Variants in NKAIN2 observed in about 807,000 individuals in gnomAD.
NKAIN2 encodes sodium/potassium-transporting ATPase subunit beta-1-interacting protein 2.
NKAIN2 carries 14 observed loss-of-function variants against 32.6 expected under a neutral mutation model. The observed-to-expected ratio is 0.43, with a 90% CI of 0.28 to 0.67. The LOEUF is 0.67. Among genes scored for constraint, NKAIN2 ranks in the 30% least tolerant of loss-of-function variants. The probability of loss-of-function intolerance (pLI) is 0.17; values close to 1 mark genes in which losing one functional copy is unlikely to be tolerated. For synonymous variants in NKAIN2, 80 were observed against 87.2 expected (o/e 0.92, Z 0.46); for missense variants, 198 against 258.3 (o/e 0.77, Z 1.60).
intron 1 of NKAIN2, among the ~76,000 whole-genome samples, chr6:124,069,200 C>G (rs190231972): frequency 6.6e-6 from 1 of 152,242 alleles, no homozygotes; most frequent in Non-Finnish European, 1.5e-5. Flanking sequence ...CACTCAGGTT[C>G]TATTAAACTT....
intron 1 of NKAIN2, among the ~76,000 whole-genome samples, chr6:124,074,811 C>T (rs576265914): frequency 1.1e-4 from 16 of 152,244 alleles, no homozygotes; most frequent in Non-Finnish European, 2.2e-4. Context: ...TGCTACGAAC[C>T]CATACGGAAT....
At chr6:124,008,812 A>G (rs989024486) in intron 1 of NKAIN2, among the ~76,000 whole-genome samples, 1 of 152,176 alleles carries the variant, frequency 6.6e-6, no homozygotes. Context: ...CATATCAAGT[A>G]AACTTGTTAA....
At chr6:124,396,415 C>A (rs149920220) in intron 3 of NKAIN2, among the ~76,000 whole-genome samples, 3,831 of 143,104 alleles carry the variant, frequency 0.027, 61 homozygotes, top group Non-Finnish European at 0.041. Context: ...ATGAATAAGA[C>A]CTGCTATTTG....
chr6:124,612,400 CTTGCATTAATTTTTTATATGCA>C (rs1292658185), intron 3 of NKAIN2, among the ~76,000 whole-genome samples: 2 of 152,040 alleles, frequency 1.3e-5, no homozygotes, highest in Non-Finnish European at 2.9e-5. Flanking sequence ...TATAGGCTAG[CTTGCATTAATTTTTTATATGCA>C]TTGCACTATG....
intron 3 of NKAIN2, among the ~76,000 whole-genome samples, chr6:124,543,771 G>A (rs1779992824): frequency 6.6e-6 from 1 of 152,128 alleles, no homozygotes. Context: ...AGTGGGTTGT[G>A]GCATCCTCCA....
rs73770550 is a variant in NKAIN2, at chr6:124,759,379, T to A, written c.475-31960T>A. 4.1e-3 allele frequency among the ~76,000 whole-genome samples: 620 copies of A among 150,238 alleles called. 4 individuals are homozygous for A. Among genetic ancestry groups the A allele is most frequent in the African/African-American group, 0.015 (603 of 41,498 alleles). On this transcript the variant is annotated intron_variant, in intron 4 of 6. Transcript: ENST00000368417. ...AATTCTTACCAAGAGTTTAGAATAT[T>A]ATTTTAAGTTAGTAAATATTAACTA...
chr6:124,050,659 C>A, intron 1 of NKAIN2, among the ~76,000 whole-genome samples: 1 of 152,012 alleles, frequency 6.6e-6, no homozygotes, highest in Admixed American at 6.6e-5. Context: ...GTGCACTTGC[C>A]CGCAGCACAA....
chr6:124,504,369 G>A (rs1221362081), intron 3 of NKAIN2, among the ~76,000 whole-genome samples: 3 of 152,022 alleles, frequency 2.0e-5, no homozygotes, highest in Non-Finnish European at 4.4e-5. Flanking sequence ...CCACACTTGG[G>A]CTAATTTCCA....
chr6:124,418,211 C>A (rs1774582279), intron 3 of NKAIN2, among the ~76,000 whole-genome samples: 1 of 151,432 alleles, frequency 6.6e-6, no homozygotes, highest in Non-Finnish European at 1.5e-5. Flanking sequence ...GTGTGTGTTC[C>A]ATGTAACTCA....
chr6:124,025,337 G>A (rs1781056389), intron 1 of NKAIN2, among the ~76,000 whole-genome samples: 1 of 152,044 alleles, frequency 6.6e-6, no homozygotes, highest in Non-Finnish European at 1.5e-5. Context: ...CATGATACAT[G>A]TGGTTCTGTT....
chr6:124,416,790 C>A (rs140486838), intron 3 of NKAIN2, among the ~76,000 whole-genome samples: 1 of 152,218 alleles, frequency 6.6e-6, no homozygotes, highest in Non-Finnish European at 1.5e-5. Context: ...GGGTACTCTT[C>A]CTGTCCAGCC....
At chr6:124,807,728 T>C (rs1189622567) in intron 5 of NKAIN2, among the ~76,000 whole-genome samples, 3 of 151,080 alleles carry the variant, frequency 2.0e-5, no homozygotes, top group Non-Finnish European at 4.4e-5. Flanking sequence ...ATCAACAAAA[T>C]TGATAGACCG....
chr6:124,496,088 A>G (rs552816213), intron 3 of NKAIN2, among the ~76,000 whole-genome samples: 2 of 152,080 alleles, frequency 1.3e-5, no homozygotes, highest in African/African-American at 2.4e-5. Context: ...TGAGCATGCT[A>G]TCTCAATTTA....
intron 3 of NKAIN2, among the ~76,000 whole-genome samples, chr6:124,651,040 A>T (rs940933870): frequency 6.6e-6 from 1 of 152,190 alleles, no homozygotes; most frequent in Admixed American, 6.5e-5. Flanking sequence ...CCATTCCAAA[A>T]GGGCGAAATA....
chr6:124,701,638 A>G (rs1205874660), intron 4 of NKAIN2, among the ~76,000 whole-genome samples: 1 of 152,116 alleles, frequency 6.6e-6, no homozygotes, highest in East Asian at 1.9e-4. Context: ...GAAGCATGAC[A>G]ATAGATATAA....
intron 2 of NKAIN2, among the ~76,000 whole-genome samples, chr6:124,286,924 C>T (rs987606803): frequency 8.6e-5 from 13 of 152,026 alleles, no homozygotes; most frequent in African/African-American, 2.4e-5. Context: ...CCTCATGATC[C>T]GCCCACCTTG....
chr6:124,325,478 T>TA (rs761631670), intron 2 of NKAIN2, among the ~76,000 whole-genome samples: 2 of 151,756 alleles, frequency 1.3e-5, no homozygotes, highest in African/African-American at 2.4e-5. Flanking sequence ...TCATAATAAC[T>TA]AAAAAAACAG....
intron 1 of NKAIN2, among the ~76,000 whole-genome samples, chr6:123,882,420 C>A (rs1035523009): frequency 3.3e-5 from 5 of 151,946 alleles, no homozygotes; most frequent in Non-Finnish European, 7.4e-5. Context: ...TCTTGATTTC[C>A]AATGATTGTT....
In NKAIN2 at chr6:124,058,517, A is replaced by G. The variant is rs147034837; in HGVS notation, c.55-224488A>G. On this transcript the variant is annotated intron_variant, in intron 1 of 6. Transcript: ENST00000368417. ...CCTCTGTTTCTTCATTGCAAAACAC[A>G]TCCAATATTAGTAGGCACCTCATAG... 1.8e-3 allele frequency among the ~76,000 whole-genome samples: 281 copies of G among 152,108 alleles called. 2 individuals are homozygous for G. Among genetic ancestry groups the G allele is most frequent in the Middle Eastern group, 0.017 (5 of 294 alleles).
Sources: gnomAD v4.1 joint callset for allele counts (sites outside exome capture counted in the v4.1 genomes callset) on GRCh38, gnomAD v4.1.1 for gene constraint, MANE v1.5 for transcripts, NCBI Gene and HGNC (gene_info 2026-07-23, HGNC 2026-07-21) for gene names.